IL5RA: variants seen among roughly 807,000 people sequenced by gnomAD.
The protein encoded by IL5RA is interleukin-5 receptor subunit alpha.
IL5RA carries 49 observed loss-of-function variants against 50.0 expected under a neutral mutation model. That is an observed-to-expected ratio of 0.98 (90% CI 0.78 to 1.24). The LOEUF (loss-of-function observed/expected upper bound fraction) is 1.24, where lower values mean the gene tolerates loss of function less well. Among genes scored for constraint, IL5RA ranks in the 50% most tolerant of loss-of-function variants. IL5RA has a pLI of 0.00. For synonymous variants in IL5RA, 202 were observed against 174.0 expected (o/e 1.16, Z -1.26); for missense variants, 600 against 500.4 (o/e 1.20, Z -1.90).
chr3:3,077,967 T>C (rs1384660308), intron 9 of IL5RA, among the ~76,000 whole-genome samples: 1 of 152,200 alleles, frequency 6.6e-6, no homozygotes, highest in Non-Finnish European at 1.5e-5. Context: ...TAATATTTAC[T>C]GGGCTCCTAT....
rs1020251476 is a variant in IL5RA at position 3,089,286 on chromosome 3, G to A, written c.994+2938C>T. Among the ~76,000 whole-genome samples the A allele has an allele frequency of 9.9e-5, 15 of 152,162 alleles. No individual in the cohort carries two copies. The East Asian group carries it at 1.4e-3, about 14-fold the overall frequency. ...TGTGTGTTGCACAACTTTAGGGGAC[G>A]CTATTCTCCCTTGGGAACTCGGTAA... is the stretch of plus-strand genomic sequence containing the variant. On this transcript the variant is annotated intron_variant, in intron 9 of 11. Transcript: ENST00000446632.
At chr3:3,087,023 G>A (rs11710399) in intron 9 of IL5RA, among the ~76,000 whole-genome samples, 5,759 of 152,194 alleles carry the variant, frequency 0.038, 156 homozygotes, top group Non-Finnish European at 0.058. Flanking sequence ...TGGGTACACA[G>A]AGGCATACAG....
intron 7 of IL5RA, among the ~76,000 whole-genome samples, chr3:3,097,175 G>A (rs536556429): frequency 7.9e-5 from 12 of 152,322 alleles, no homozygotes; most frequent in Non-Finnish European, 1.6e-4. Context: ...CTTCTCTATT[G>A]AGAACTGAGC....
intron 9 of IL5RA, among the ~76,000 whole-genome samples, chr3:3,082,541 G>A (rs1005032613): frequency 2.0e-5 from 3 of 152,212 alleles, no homozygotes; most frequent in African/African-American, 7.2e-5. Context: ...TCTGGTGTCT[G>A]GGGACCTCAG....
chr3:3,092,236 G>T lies in IL5RA; in HGVS notation c.982C>A (p.Pro328Thr), dbSNP rs201918239. 5.7e-5 allele frequency: 92 copies of T among 1,613,636 alleles called. No individual in the cohort carries two copies. The highest frequency in any genetic ancestry group is 8.0e-5 in the African/African-American group (6 of 74,984). Residue 328 changes from proline (P) to threonine (T), a missense_variant, in exon 9 of 12, where the codon CCT becomes ACT. Coordinates refer to ENST00000446632, the MANE Select transcript of IL5RA (RefSeq NM_175726.4). The surrounding 1 kb of genome is among the most constrained non-coding windows in gnomAD (Gnocchi z 4.2). ...ATAAGCTACTTACCCACATAAATAG[G>T]TTGGCTCCACTCACTCCAGAGCCCT... ...EAGLWSEWSQPIYVGNDEHKP... is the reference protein window; with the variant it reads ...EAGLWSEWSQTIYVGNDEHKP...
At position 3,088,983 on chromosome 3, in the gene IL5RA, C is replaced by T. The variant is rs946234445; in HGVS notation, c.994+3241G>A. ...TGATTAATGCTTCTCGTATTTGTTT[C>T]CCTCCTGGGGAACAGAGTGAATTTT... On this transcript the variant is annotated intron_variant, in intron 9 of 11. Coordinates refer to ENST00000446632, the MANE Select transcript of IL5RA (RefSeq NM_175726.4). 3.9e-5 allele frequency among the ~76,000 whole-genome samples: 6 copies of T among 152,134 alleles called. No individual in the cohort carries two copies. In the East Asian group the frequency reaches 1.2e-3, roughly 29 times the overall value.
chr3:3,089,455 G>A (rs936185911), intron 9 of IL5RA, among the ~76,000 whole-genome samples: 1 of 152,170 alleles, frequency 6.6e-6, no homozygotes, highest in Non-Finnish European at 1.5e-5. Context: ...GTCACTGCCC[G>A]AGACTTTCCT....
intron 9 of IL5RA, among the ~76,000 whole-genome samples, chr3:3,089,769 C>T (rs537392677): frequency 7.2e-5 from 11 of 152,104 alleles, no homozygotes; most frequent in East Asian, 5.8e-4. Flanking sequence ...ACTACAGGCG[C>T]GCACCACCAC....
At chr3:3,104,672 C>A (rs1160299566) in intron 3 of IL5RA, among the ~76,000 whole-genome samples, 7 of 152,284 alleles carry the variant, frequency 4.6e-5, no homozygotes, top group Non-Finnish European at 8.8e-5. Context: ...TGCCCGGACA[C>A]CCACACTTTG....
intron 5 of IL5RA, among the ~76,000 whole-genome samples, chr3:3,100,804 G>C (rs1315245270): frequency 6.6e-6 from 1 of 151,978 alleles, no homozygotes; most frequent in Non-Finnish European, 1.5e-5. Context: ...CTCTGTACTT[G>C]GGATCAAGCC....
intron 11 of IL5RA, 38 bp from the exon 12 acceptor site, chr3:3,070,349 A>T (rs747808017): frequency 7.1e-7 from 1 of 1,407,822 alleles, no homozygotes; most frequent in South Asian, 1.2e-5. Flanking sequence ...TGTCTTTTAG[A>T]GAACTTTTGG....
chr3:3,081,209 T>C (rs1345511232), intron 9 of IL5RA, among the ~76,000 whole-genome samples: 1 of 152,168 alleles, frequency 6.6e-6, no homozygotes, highest in African/African-American at 2.4e-5. Context: ...TAGACTTCAT[T>C]TTTATTGCAT....
At chr3:3,102,063 C>G (rs765610829) in intron 4 of IL5RA, among the ~76,000 whole-genome samples, 2 of 152,316 alleles carry the variant, frequency 1.3e-5, no homozygotes, top group Non-Finnish European at 2.9e-5. Flanking sequence ...CAGTTAAACT[C>G]AAGTTCCCTT....
At chr3:3,087,327 A>AC (rs1200529651) in intron 9 of IL5RA, among the ~76,000 whole-genome samples, 2 of 151,764 alleles carry the variant, frequency 1.3e-5, no homozygotes, top group Admixed American at 6.6e-5. Flanking sequence ...TGCTAACTAT[A>AC]CCCCCTCCCT....
chr3:3,072,335 C>A (rs1469382072), intron 11 of IL5RA, among the ~76,000 whole-genome samples: 16 of 152,186 alleles, frequency 1.1e-4, no homozygotes, highest in Admixed American at 1.0e-3. Flanking sequence ...TGAAACTCTG[C>A]AATGTGAGAA....
chr3:3,090,359 C>T, intron 9 of IL5RA: 2 of 803,216 alleles, frequency 2.5e-6, no homozygotes, highest in African/African-American at 1.7e-5. Context: ...AGTCTTCTTC[C>T]CACCATCCCA....
At chr3:3,093,318 A>T (rs996084395) in intron 8 of IL5RA, among the ~76,000 whole-genome samples, 1 of 152,212 alleles carries the variant, frequency 6.6e-6, no homozygotes, top group African/African-American at 2.4e-5. Context: ...AGGCTGGTGC[A>T]AGTCAGGAAC....
intron 9 of IL5RA, among the ~76,000 whole-genome samples, chr3:3,080,239 G>A (rs1466766246): frequency 3.3e-5 from 5 of 152,096 alleles, no homozygotes; most frequent in African/African-American, 1.2e-4. Flanking sequence ...GTACTTTCTC[G>A]ATTTAATTCT....
chr3:3,109,102 T>C (rs1191056723), intron 1 of IL5RA, among the ~76,000 whole-genome samples: 2 of 152,234 alleles, frequency 1.3e-5, no homozygotes, highest in Non-Finnish European at 2.9e-5. Flanking sequence ...AATTTTAGGC[T>C]CAAGGGTATT....
Sources: allele counts gnomAD v4.1 joint callset (sites outside exome capture counted in the v4.1 genomes callset), GRCh38; gene constraint gnomAD v4.1.1; non-coding constraint Gnocchi (gnomAD v3.1); transcripts MANE v1.5; gene names NCBI Gene and HGNC (gene_info 2026-07-23, HGNC 2026-07-21).